Variants in VPS54 observed in about 807,000 individuals in gnomAD.
The protein encoded by VPS54 is vacuolar protein sorting-associated protein 54.
In VPS54, 45 loss-of-function variants were observed where a neutral mutation model predicts 121.5. The ratio of observed to expected loss-of-function variants is 0.37; its 90% CI spans 0.29 to 0.47. The LOEUF (loss-of-function observed/expected upper bound fraction) is 0.47, where lower values mean the gene tolerates loss of function less well. Ranked by LOEUF, VPS54 falls within the 20% of genes least tolerant of loss-of-function variation. VPS54 has a pLI of 0.99. For missense variants in VPS54, 1,090 were observed against 1,131.4 expected, an observed-to-expected ratio of 0.96 and a Z score of 0.52; for synonymous variants, 371 against 385.8, an observed-to-expected ratio of 0.96 and a Z score of 0.45.
At chr2:63,921,404 C>A in intron 12 of VPS54, 69 bp from the exon 13 acceptor site, 1 of 1,491,726 alleles carries the variant, frequency 6.7e-7, no homozygotes. Flanking sequence ...GGTGACCTAT[C>A]AATAAAAAGG....
chr2:63,933,820 G>A lies in VPS54; in HGVS notation c.1592C>T (p.Ala531Val), dbSNP rs376402339. The change falls in exon 12 of 23, where the codon GCA becomes GTA. Residue 531 changes from alanine to valine, a missense_variant. Physicochemically the swap from Ala to Val is moderately conservative, Grantham distance 64. Transcript: ENST00000272322. ...AFGEGELTPIAVDTTSQRNAS... is the reference protein window; with the variant it reads ...AFGEGELTPIVVDTTSQRNAS... The stretch of plus-strand genomic sequence containing the variant: ...ATTTCTTTGAGAGGTAGTGTCAACT[G>A]CTATAGGTGTTAGCTCACCCTCACC... 2.5e-6 allele frequency: 4 copies of A among 1,613,734 alleles called. No individual in the cohort carries two copies. The African/African-American group carries it at 5.3e-5, about 22-fold the overall frequency.
chr2:64,012,555 T>TAGG (rs1411351211), intron 1 of VPS54, among the ~76,000 whole-genome samples: 1 of 151,782 alleles, frequency 6.6e-6, no homozygotes, highest in Non-Finnish European at 1.5e-5. Flanking sequence ...CTTTCTGAGA[T>TAGG]AGAGTATAGG....
At chr2:63,946,062 A>G (rs1674963083) in intron 9 of VPS54, among the ~76,000 whole-genome samples, 1 of 152,130 alleles carries the variant, frequency 6.6e-6, no homozygotes, top group Admixed American at 6.5e-5. Context: ...ACTTCCTCCC[A>G]AAATATACTA....
rs377299773 is a variant in VPS54, at chr2:63,981,614, C to A, written c.378+32G>T. 1.5e-5 allele frequency: 23 copies of A among 1,525,592 alleles called. No homozygotes were observed. The African/African-American group carries it at 2.9e-4, about 19-fold the overall frequency. 94.5% of individuals were successfully genotyped at this position (1,525,592 alleles called of 1,614,324 possible). A position where few individuals can be genotyped will look rare whatever the true frequency, so the allele number is the denominator to read the frequency against. Reference sequence around the variant, plus strand: ...CTAAAAATATTTCTATTACTTTTGACCTGACTGTAACTAGCCAAGATTAGA... The same window carrying A: ...CTAAAAATATTTCTATTACTTTTGAACTGACTGTAACTAGCCAAGATTAGA... On this transcript the variant is annotated intron_variant, in intron 3 of 22. Transcript: ENST00000272322.
chr2:63,922,095 C>T (rs937596102), intron 12 of VPS54, among the ~76,000 whole-genome samples: 7 of 152,150 alleles, frequency 4.6e-5, no homozygotes, highest in East Asian at 1.9e-4. Context: ...CATGCTTAAG[C>T]GCTAGGCACT....
At chr2:63,922,111 G>A (rs1007331838) in intron 12 of VPS54, among the ~76,000 whole-genome samples, 1 of 152,186 alleles carries the variant, frequency 6.6e-6, no homozygotes, top group African/African-American at 2.4e-5. Context: ...GCACTAGAGG[G>A]AATATAATAG....
chr2:63,941,091 A>C (rs548493107), intron 11 of VPS54, among the ~76,000 whole-genome samples: 6 of 152,362 alleles, frequency 3.9e-5, no homozygotes, highest in Admixed American at 3.3e-4. Flanking sequence ...GGTACTCAGG[A>C]GATGCTGGGG....
At chr2:63,968,695 C>T (rs116270267) in intron 5 of VPS54, among the ~76,000 whole-genome samples, 4,135 of 150,890 alleles carry the variant, frequency 0.027, 186 homozygotes, top group African/African-American at 0.096. Flanking sequence ...CTCCAGCCTG[C>T]GAGACGGGGC....
At chr2:64,006,763 C>T (rs1407099987) in intron 1 of VPS54, among the ~76,000 whole-genome samples, 6 of 152,210 alleles carry the variant, frequency 3.9e-5, no homozygotes, top group South Asian at 4.1e-4. Flanking sequence ...GGACTACAGG[C>T]GCATGCCACC....
chr2:63,989,707 G>A lies in VPS54; in HGVS notation c.-20-5688C>T, dbSNP rs60522661. Among the ~76,000 whole-genome samples, 219 of 152,224 alleles carry A rather than the reference G, an allele frequency of 1.4e-3. 1 individual carries two copies. Among genetic ancestry groups the A allele is most frequent in the African/African-American group, 4.8e-3 (201 of 41,542 alleles). On this transcript the variant is annotated intron_variant, in intron 1 of 22. Transcript: ENST00000272322. Reference sequence around the variant, plus strand: ...CTGTGAATTTGTCCAGGTTAACTACGGGTCACACGGAGTCTAAAAATTATG... The same window carrying A: ...CTGTGAATTTGTCCAGGTTAACTACAGGTCACACGGAGTCTAAAAATTATG...
chr2:64,000,525 TC>T (rs1390948020), intron 1 of VPS54, among the ~76,000 whole-genome samples: 1 of 152,268 alleles, frequency 6.6e-6, no homozygotes, highest in Non-Finnish European at 1.5e-5. Context: ...TACCTGTCCT[TC>T]CTGGGAAGGC....
rs115480583 is a variant in VPS54 at position 63,913,872 on chromosome 2, A to T, written c.2334+310T>A. ...AGTTCAGTGAATTCCTTCCATGCAC[A>T]TTTGAAGCCAGTCCAGGTTTTTTGA... On this transcript the variant is annotated intron_variant, in intron 17 of 22. Transcript: ENST00000272322. 5,826 of 1,111,434 alleles carry T rather than the reference A, an allele frequency of 5.2e-3. 30 individuals carry two copies. Among genetic ancestry groups the T allele is most frequent in the South Asian group, 0.019 (599 of 31,372 alleles). 68.8% of individuals were successfully genotyped at this position (1,111,434 alleles called of 1,614,324 possible).
At chr2:63,902,852 C>T (rs1672741494) in intron 20 of VPS54, among the ~76,000 whole-genome samples, 1 of 152,162 alleles carries the variant, frequency 6.6e-6, no homozygotes, top group Non-Finnish European at 1.5e-5. Context: ...CCTATAATCC[C>T]AGCTACTCCA....
At chr2:63,897,413 G>A in intron 22 of VPS54, 83 bp downstream of exon 22, 1 of 1,003,502 alleles carries the variant, frequency 1.0e-6, no homozygotes, top group Non-Finnish European at 1.5e-6. Context: ...GATTACAGCA[G>A]AAAAGGATGG....
chr2:63,918,759 CCT>C (rs554840448), intron 15 of VPS54, among the ~76,000 whole-genome samples: 1 of 151,952 alleles, frequency 6.6e-6, no homozygotes, highest in Non-Finnish European at 1.5e-5. Flanking sequence ...TGTAAATCAC[CCT>C]CTCTCTCTAA....
chr2:63,956,385 TCAAAA>T (rs1478458462), intron 7 of VPS54, among the ~76,000 whole-genome samples: 4 of 152,076 alleles, frequency 2.6e-5, no homozygotes, highest in Non-Finnish European at 5.9e-5. Context: ...ATCTTTTCTT[TCAAAA>T]CAAAACAAAA....
At chr2:63,969,502 A>G (rs562939842) in intron 4 of VPS54, among the ~76,000 whole-genome samples, 1 of 152,172 alleles carries the variant, frequency 6.6e-6, no homozygotes, top group African/African-American at 2.4e-5. Context: ...TGCCCTCCTT[A>G]TAAGAATCTA....
chr2:63,917,958 C>T (rs1673466379), intron 15 of VPS54, among the ~76,000 whole-genome samples: 1 of 151,932 alleles, frequency 6.6e-6, no homozygotes, highest in South Asian at 2.1e-4. Flanking sequence ...ATGTAAAATA[C>T]TTAGAACAAA....
At chr2:63,914,353 T>A in intron 16 of VPS54, 66 bp from the exon 17 acceptor site, 2 of 1,118,188 alleles carry the variant, frequency 1.8e-6, no homozygotes, top group Non-Finnish European at 2.7e-6. Context: ...ATTTGGCATA[T>A]AAAAATCAAA....
Sources: allele counts gnomAD v4.1 joint callset (sites outside exome capture counted in the v4.1 genomes callset), GRCh38; gene constraint gnomAD v4.1.1; transcripts MANE v1.5; gene names NCBI Gene and HGNC (gene_info 2026-07-23, HGNC 2026-07-21).